CNTN3: variants seen among roughly 807,000 people sequenced by gnomAD.
The protein encoded by CNTN3 is contactin 3, also known as contactin-3.
In CNTN3, 60 loss-of-function variants were observed where a neutral mutation model predicts 119.1. The observed-to-expected ratio is 0.50, with a 90% CI of 0.41 to 0.62. CNTN3 has a LOEUF of 0.62. Ranked by LOEUF, CNTN3 falls within the 20% of genes least tolerant of loss-of-function variation. The pLI is 0.00. For synonymous variants in CNTN3, 450 were observed against 438.7 expected (o/e 1.03, Z -0.32); for missense variants, 1,101 against 1,242.4 (o/e 0.89, Z 1.71).
At chr3:74,470,951 A>G (rs149540646) in intron 4 of CNTN3, among the ~76,000 whole-genome samples, 26,170 of 150,210 alleles carry the variant, frequency 0.17, 2,826 homozygotes, top group Admixed American at 0.25. Context: ...ATCTCGGCTC[A>G]CTGCAACCTC....
chr3:74,414,539 T>C (rs1012880624), intron 5 of CNTN3, among the ~76,000 whole-genome samples: 4 of 152,184 alleles, frequency 2.6e-5, no homozygotes, highest in African/African-American at 9.7e-5. Context: ...TGATAAAGAA[T>C]GCAGGTCTCC....
intron 1 of CNTN3, among the ~76,000 whole-genome samples, chr3:74,593,323 T>C (rs1704735907): frequency 6.6e-6 from 1 of 151,976 alleles, no homozygotes; most frequent in Non-Finnish European, 1.5e-5. Context: ...ACAAACTCTA[T>C]TTTCTCTATT....
intron 8 of CNTN3, among the ~76,000 whole-genome samples, chr3:74,366,772 G>GTATATATATA (rs1308606541): frequency 2.3e-5 from 1 of 43,472 alleles, no homozygotes; most frequent in African/African-American, 1.3e-4. Flanking sequence ...GTGTGTGTGT[G>GTATATATATA]TGTGTGTGTA....
intron 1 of CNTN3, among the ~76,000 whole-genome samples, chr3:74,545,702 C>T: frequency 6.6e-6 from 1 of 152,016 alleles, no homozygotes; most frequent in East Asian, 1.9e-4. Context: ...TTAGGGGTAC[C>T]CAGATATTCA....
chr3:74,331,014 C>G (rs1234946256), intron 13 of CNTN3, among the ~76,000 whole-genome samples: 2 of 152,074 alleles, frequency 1.3e-5, no homozygotes, highest in Non-Finnish European at 2.9e-5. Flanking sequence ...TTATGGTAAG[C>G]TACGGTTAAT....
At chr3:74,294,999 T>C (rs929357779) in intron 19 of CNTN3, 122 bp downstream of exon 19, 4 of 542,916 alleles carry the variant, frequency 7.4e-6, no homozygotes, top group African/African-American at 1.9e-5. Flanking sequence ...AACAATGTGT[T>C]GATAAAAAAA....
At chr3:74,432,680 G>T (rs1701803846) in intron 4 of CNTN3, among the ~76,000 whole-genome samples, 1 of 152,186 alleles carries the variant, frequency 6.6e-6, no homozygotes, top group Non-Finnish European at 1.5e-5. Flanking sequence ...TCCTAAATCG[G>T]AATATTAGAC....
At chr3:74,451,810 A>C (rs2106950276) in intron 4 of CNTN3, among the ~76,000 whole-genome samples, 1 of 150,952 alleles carries the variant, frequency 6.6e-6, no homozygotes, top group African/African-American at 2.4e-5. Context: ...GATTTGTCAA[A>C]GATCAGATAG....
Position 74,273,582 on chromosome 3 carries a change from C to A in CNTN3, c.2705-6204G>T, listed in dbSNP as rs117921728. ...TCTAATTTATGGGAGAAGATTCCGA[C>A]CTTACCTGGAGCTGAGAGCTGAGTC... is the stretch of plus-strand genomic sequence containing the variant. On this transcript the variant is annotated intron_variant, in intron 20 of 22. Coordinates refer to ENST00000263665, the MANE Select transcript of CNTN3 (RefSeq NM_020872.3). 5.6e-4 allele frequency among the ~76,000 whole-genome samples: 85 copies of A among 152,274 alleles called. No homozygotes were observed. In the East Asian group the frequency reaches 0.015, roughly 26 times the overall value.
intron 5 of CNTN3, among the ~76,000 whole-genome samples, chr3:74,412,638 G>A (rs1268067705): frequency 6.6e-6 from 1 of 152,130 alleles, no homozygotes; most frequent in African/African-American, 2.4e-5. Context: ...GAGACTTTCA[G>A]CTGTGTCCTG....
intron 5 of CNTN3, among the ~76,000 whole-genome samples, chr3:74,402,494 G>GT (rs1705224065): frequency 6.6e-6 from 1 of 152,040 alleles, no homozygotes; most frequent in African/African-American, 2.4e-5. Flanking sequence ...GAAACCTCCT[G>GT]TAACACATGA....
rs1170050666 is a variant in CNTN3 at position 74,267,323 on chromosome 3, T to TAAC, written c.2757_2759dup (p.Leu921dup). On this transcript the variant is annotated inframe_insertion, in exon 21 of 23. Transcript: ENST00000263665. ...TGGCTTTAACTTGCTCCCAATTAAGTAACACTTTAGTGTCTGTGGCATTCC... is the reference window on the plus strand; with the variant it reads ...TGGCTTTAACTTGCTCCCAATTAAGTAACAACACTTTAGTGTCTGTGGCATTCC... 2 of 1,613,344 alleles carry TAAC rather than the reference T, an allele frequency of 1.2e-6. No individual in the cohort carries two copies. The highest frequency in any genetic ancestry group is 2.7e-5 in the African/African-American group (2 of 74,886).
chr3:74,356,792 C>A (rs1474953168), intron 11 of CNTN3, among the ~76,000 whole-genome samples: 3 of 152,130 alleles, frequency 2.0e-5, no homozygotes, highest in African/African-American at 4.8e-5. Flanking sequence ...AAACAACTCT[C>A]ATTTCTTCAA....
At chr3:74,499,130 T>A (rs950284976) in intron 3 of CNTN3, among the ~76,000 whole-genome samples, 1 of 151,820 alleles carries the variant, frequency 6.6e-6, no homozygotes, top group African/African-American at 2.4e-5. Flanking sequence ...ATTGTTTATA[T>A]AATCTTAAAA....
intron 8 of CNTN3, among the ~76,000 whole-genome samples, chr3:74,366,328 A>T (rs545667381): frequency 6.6e-6 from 1 of 152,268 alleles, no homozygotes; most frequent in South Asian, 2.1e-4. Context: ...AACTGATGCA[A>T]CTTTAAATTA....
At chr3:74,413,677 T>C (rs1202767366) in intron 5 of CNTN3, among the ~76,000 whole-genome samples, 1 of 152,204 alleles carries the variant, frequency 6.6e-6, no homozygotes, top group African/African-American at 2.4e-5. Flanking sequence ...TGCAGACCTG[T>C]GGGAATAGGG....
At chr3:74,481,470 T>C (rs561152513) in intron 4 of CNTN3, among the ~76,000 whole-genome samples, 2 of 151,934 alleles carry the variant, frequency 1.3e-5, no homozygotes, top group South Asian at 4.2e-4. Flanking sequence ...ACTCCACATG[T>C]TTGGAAATTT....
intron 1 of CNTN3, among the ~76,000 whole-genome samples, chr3:74,598,068 G>C (rs1184616534): frequency 6.6e-6 from 1 of 151,980 alleles, no homozygotes; most frequent in African/African-American, 2.4e-5. Context: ...ACATCATGCT[G>C]CTCCTCCCCA....
At chr3:74,438,808 CAATGCACATAAGATGGT>C (rs1165797755) in intron 4 of CNTN3, among the ~76,000 whole-genome samples, 3 of 152,144 alleles carry the variant, frequency 2.0e-5, no homozygotes, top group Non-Finnish European at 4.4e-5. Flanking sequence ...GTGATTTTTG[CAATGCACATAAGATGGT>C]ACAAGTTGAC....
Sources: gnomAD v4.1 joint callset for allele counts (sites outside exome capture counted in the v4.1 genomes callset) on GRCh38, gnomAD v4.1.1 for gene constraint, MANE v1.5 for transcripts, NCBI Gene and HGNC (gene_info 2026-07-23, HGNC 2026-07-21) for gene names.